Variants in RPTOR observed in about 807,000 individuals in gnomAD.
RPTOR encodes the protein regulatory-associated protein of mTOR.
RPTOR carries 21 observed loss-of-function variants against 169.9 expected under a neutral mutation model. The observed-to-expected ratio is 0.12, with a 90% CI of 0.09 to 0.18. RPTOR has a LOEUF of 0.18. RPTOR is among the 10% of genes least tolerant of loss of function. The pLI is 1.00. For missense variants in RPTOR, 1,133 were observed against 1,855.9 expected (o/e 0.61, Z 7.16); for synonymous variants, 732 against 753.2 (o/e 0.97, Z 0.46).
At chr17:80,928,245 TAA>T (rs112401140) in intron 24 of RPTOR, among the ~76,000 whole-genome samples, 2 of 150,614 alleles carry the variant, frequency 1.3e-5, no homozygotes, top group African/African-American at 2.4e-5. Context: ...TTCTCTTGTT[TAA>T]AAAAAAAATT....
Position 80,861,094 on chromosome 17 carries a change from G to C in RPTOR, c.1509+3194G>C, listed in dbSNP as rs2067912771. ...TGCTACCCATTAAACTACAGATAAA[G>C]AATGACTGCTTTGAAAGATTGGCTA... On this transcript the variant is annotated intron_variant, in intron 13 of 33. Transcript: ENST00000306801. This position sits in a 1 kb window ranked among gnomAD's most constrained non-coding sequence, Gnocchi z 4.5. Among the ~76,000 whole-genome samples the C allele has an allele frequency of 1.4e-5, 2 of 145,098 alleles. 1 individual carries two copies. Among genetic ancestry groups the C allele is most frequent in the Non-Finnish European group, 3.1e-5 (2 of 64,134 alleles).
Position 80,820,450 on chromosome 17 carries a change from C to G in RPTOR, c.891-1751C>G, listed in dbSNP as rs757136854. Among the ~76,000 whole-genome samples, 5 of 152,232 alleles carry G rather than the reference C, an allele frequency of 3.3e-5. No homozygotes were observed. The highest frequency in any genetic ancestry group is 4.8e-5 in the African/African-American group (2 of 41,466). ...TCCCGGGCAGCCACCCCTGTTCGCGCTGGCGCTTGAGGGCTGAGATGAGCA... is the reference window on the plus strand; with the variant it reads ...TCCCGGGCAGCCACCCCTGTTCGCGGTGGCGCTTGAGGGCTGAGATGAGCA... On this transcript the variant is annotated intron_variant, in intron 7 of 33. Coordinates refer to ENST00000306801, the MANE Select transcript of RPTOR (RefSeq NM_020761.3). This position sits in a 1 kb window ranked among gnomAD's most constrained non-coding sequence, Gnocchi z 4.1.
At chr17:80,949,646 T>C in intron 28 of RPTOR, 99 bp downstream of exon 28, 1 of 964,908 alleles carries the variant, frequency 1.0e-6, no homozygotes, top group Non-Finnish European at 1.6e-6. Flanking sequence ...CTAAACAGGC[T>C]GCTCCACCTC....
Position 80,659,166 on chromosome 17 carries a change from A to C in RPTOR, c.348+15356A>C, listed in dbSNP as rs985122801. On this transcript the variant is annotated intron_variant, in intron 3 of 33. Coordinates refer to ENST00000306801, the MANE Select transcript of RPTOR (RefSeq NM_020761.3). This position sits in a 1 kb window ranked among gnomAD's most constrained non-coding sequence, Gnocchi z 4.3. ...CTGGAGCCCATGAGTGGTCCCCGAG[A>C]GATTGCCTCCGAGCGCTGTTAGGAG... 1.3e-5 allele frequency among the ~76,000 whole-genome samples: 2 copies of C among 152,110 alleles called. No homozygotes were observed. The highest frequency in any genetic ancestry group is 4.8e-5 in the African/African-American group (2 of 41,414).
intron 13 of RPTOR, among the ~76,000 whole-genome samples, chr17:80,873,495 A>T (rs1481285676): frequency 1.3e-5 from 2 of 152,188 alleles, no homozygotes; most frequent in Non-Finnish European, 2.9e-5. Context: ...CGGAAGGTGG[A>T]GGGTGGAAAT....
At chr17:80,858,086 G>T (rs1452783191) in intron 13 of RPTOR, 186 bp downstream of exon 13, 3 of 606,926 alleles carry the variant, frequency 4.9e-6, no homozygotes, top group East Asian at 5.6e-5. Flanking sequence ...TGGGTCGTGG[G>T]GGCTGTCACC....
At chr17:80,858,167 T>A (rs2067876145) in intron 13 of RPTOR, 1 of 478,192 alleles carries the variant, frequency 2.1e-6, no homozygotes, top group African/African-American at 2.0e-5. Flanking sequence ...GTCCCTGGCC[T>A]TCCCCTGGTG....
Position 80,942,828 on chromosome 17 carries a change from C to T in RPTOR, c.3025+2227C>T, listed in dbSNP as rs544280642. On this transcript the variant is annotated intron_variant, in intron 25 of 33. Transcript: ENST00000306801. ...GCAACATTCACGACCTTGGCTGTCA[C>T]GCACTGATTTTCAAACGTACCAAAT... Among the ~76,000 whole-genome samples, 10 of 152,358 alleles carry T rather than the reference C, an allele frequency of 6.6e-5. 1 individual carries two copies. The highest frequency in any genetic ancestry group is 2.6e-4 in the Admixed American group (4 of 15,310).
intron 6 of RPTOR, among the ~76,000 whole-genome samples, chr17:80,784,079 C>A (rs1344155725): frequency 6.6e-6 from 1 of 152,052 alleles, no homozygotes; most frequent in Non-Finnish European, 1.5e-5. Context: ...TGAGCTCAAA[C>A]GATCCTCCTG....
At chr17:80,732,399 T>C (rs1354958965) in intron 5 of RPTOR, among the ~76,000 whole-genome samples, 1 of 152,106 alleles carries the variant, frequency 6.6e-6, no homozygotes, top group African/African-American at 2.4e-5. Context: ...GAGCATGTGC[T>C]CCGGCAGTGC....
intron 13 of RPTOR, among the ~76,000 whole-genome samples, chr17:80,874,258 A>G (rs1464350368): frequency 3.3e-5 from 5 of 151,306 alleles, no homozygotes; most frequent in African/African-American, 4.9e-5. Flanking sequence ...GTGCAGTGAC[A>G]TGATCTCAGC....
intron 13 of RPTOR, among the ~76,000 whole-genome samples, chr17:80,876,488 T>G (rs1358842899): frequency 0.028 from 110 of 3,944 alleles, 43 homozygotes; most frequent in East Asian, 0.049. Flanking sequence ...TCGCCTGCCG[T>G]GTCTTCCCAC....
At chr17:80,678,399 G>A (rs2065875041) in intron 3 of RPTOR, among the ~76,000 whole-genome samples, 1 of 152,158 alleles carries the variant, frequency 6.6e-6, no homozygotes, top group African/African-American at 2.4e-5. Flanking sequence ...GAGCCCAGGA[G>A]TTCGAGACCA....
intron 17 of RPTOR, among the ~76,000 whole-genome samples, chr17:80,888,547 G>A (rs2068276756): frequency 1.3e-5 from 2 of 152,232 alleles, no homozygotes; most frequent in Admixed American, 1.3e-4. Context: ...AGGCGAGGTG[G>A]GCCAGTAGCC....
At position 80,923,484 on chromosome 17, in the gene RPTOR, T is replaced by C; in HGVS notation, c.2625-6T>C. ...GATGCAGTGTTTGTTTTTCTTCCAA[T>C]GGCAGGGGCTCCCCTCCGGCGTCCA... On this transcript the variant is annotated splice_region_variant and splice_polypyrimidine_tract_variant and intron_variant, in intron 22 of 33. Coordinates refer to ENST00000306801, the MANE Select transcript of RPTOR (RefSeq NM_020761.3). 1 of 1,613,646 alleles carries C rather than the reference T, an allele frequency of 6.2e-7. No individual in the cohort carries two copies. Among genetic ancestry groups the C allele is most frequent in the African/African-American group, 1.3e-5 (1 of 75,056 alleles).
chr17:80,797,152 A>G (rs2067109470), intron 7 of RPTOR, among the ~76,000 whole-genome samples: 1 of 152,120 alleles, frequency 6.6e-6, no homozygotes, highest in African/African-American at 2.4e-5. Flanking sequence ...TTGTTTTTCC[A>G]GACAGGGATT....
At chr17:80,655,509 C>G (rs1013728607) in intron 3 of RPTOR, among the ~76,000 whole-genome samples, 1 of 151,916 alleles carries the variant, frequency 6.6e-6, no homozygotes, top group Admixed American at 6.6e-5. Context: ...CTCACGCTAT[C>G]CTCTTGCCAT....
At chr17:80,896,546 C>T (rs1194128402) in intron 20 of RPTOR, among the ~76,000 whole-genome samples, 2 of 13,660 alleles carry the variant, frequency 1.5e-4, no homozygotes, top group African/African-American at 3.4e-4. Context: ...ACCCCACGGC[C>T]GCGCCGACAC....
intron 1 of RPTOR, among the ~76,000 whole-genome samples, chr17:80,616,160 C>T (rs1224635301): frequency 6.6e-6 from 1 of 152,044 alleles, no homozygotes; most frequent in African/African-American, 2.4e-5. Context: ...GAAAATTAGC[C>T]CTGAATGAAT....
Sources: allele counts gnomAD v4.1 joint callset (sites outside exome capture counted in the v4.1 genomes callset), GRCh38; gene constraint gnomAD v4.1.1; non-coding constraint Gnocchi (gnomAD v3.1); transcripts MANE v1.5; gene names NCBI Gene and HGNC (gene_info 2026-07-23, HGNC 2026-07-21).